The following TMEM117 variants were observed in gnomAD, a reference collection of about 807,000 sequenced individuals.
TMEM117 encodes transmembrane protein 117.
TMEM117 carries 27 observed loss-of-function variants against 52.4 expected under a neutral mutation model. That is an observed-to-expected ratio of 0.51 (90% CI 0.38 to 0.71). TMEM117 has a LOEUF of 0.71. Ranked by LOEUF, TMEM117 falls within the 30% of genes least tolerant of loss-of-function variation. The probability of loss-of-function intolerance (pLI) is 0.00; values close to 1 mark genes in which losing one functional copy is unlikely to be tolerated. For missense variants in TMEM117, 556 were observed against 630.5 expected (o/e 0.88, Z 1.26); for synonymous variants, 215 against 206.3 (o/e 1.04, Z -0.36).
At chr12:44,271,578 T>C (rs1950446289) in intron 5 of TMEM117, among the ~76,000 whole-genome samples, 1 of 152,052 alleles carries the variant, frequency 6.6e-6, no homozygotes, top group Admixed American at 6.6e-5. Context: ...GATCCTCCAC[T>C]CATATCATAT....
At chr12:44,103,308 A>G (rs552677919) in intron 3 of TMEM117, among the ~76,000 whole-genome samples, 1 of 151,648 alleles carries the variant, frequency 6.6e-6, no homozygotes, top group African/African-American at 2.4e-5. Flanking sequence ...TTCCTTCATT[A>G]CATGGTATTG....
chr12:44,006,603 A>G (rs774615307), intron 3 of TMEM117, among the ~76,000 whole-genome samples: 10 of 152,202 alleles, frequency 6.6e-5, no homozygotes, highest in Non-Finnish European at 1.5e-4. Flanking sequence ...AAGAATCAAT[A>G]ATGAAACTAA....
At position 44,058,042 on chromosome 12, in the gene TMEM117, A is replaced by G. The variant is rs1374307309; in HGVS notation, c.411-85483A>G. Among the ~76,000 whole-genome samples the G allele has an allele frequency of 5.3e-5, 8 of 152,332 alleles. No homozygotes were observed. The East Asian group carries it at 1.3e-3, about 26-fold the overall frequency. The stretch of plus-strand genomic sequence containing the variant: ...TATTGCTGAAGCATTTTTAAATTCC[A>G]GCTATGTTAATAAGAAGCCATTTGA... On this transcript the variant is annotated intron_variant, in intron 3 of 7. Coordinates refer to ENST00000266534, the MANE Select transcript of TMEM117 (RefSeq NM_032256.3).
intron 4 of TMEM117, among the ~76,000 whole-genome samples, chr12:44,172,457 C>A (rs1949059741): frequency 6.6e-6 from 1 of 152,176 alleles, no homozygotes; most frequent in Admixed American, 6.5e-5. Flanking sequence ...GTCTCTGTGT[C>A]TTTACATAGC....
intron 3 of TMEM117, among the ~76,000 whole-genome samples, chr12:44,135,339 T>C (rs1366729700): frequency 6.6e-6 from 1 of 152,150 alleles, no homozygotes; most frequent in East Asian, 1.9e-4. Flanking sequence ...CCCTTGAGAA[T>C]TTATGAGTTT....
chr12:43,802,533 T>G, the TMEM117 span: 1 of 1,148,406 alleles, frequency 8.7e-7, no homozygotes, highest in Non-Finnish European at 1.3e-6. Flanking sequence ...TGATGAAGAC[T>G]AGAAAAATAA....
chr12:43,960,502 G>A (rs1017608740), intron 3 of TMEM117, among the ~76,000 whole-genome samples: 1 of 152,182 alleles, frequency 6.6e-6, no homozygotes, highest in Non-Finnish European at 1.5e-5. Flanking sequence ...AGTTTAGTTA[G>A]TGTTGTTTGA....
At chr12:44,360,745 A>G (rs1220414101) in intron 6 of TMEM117, among the ~76,000 whole-genome samples, 5 of 152,186 alleles carry the variant, frequency 3.3e-5, no homozygotes, top group African/African-American at 1.2e-4. Context: ...TAGCTTAGAT[A>G]TGAATGAGGC....
chr12:44,122,683 C>A (rs925882024), intron 3 of TMEM117, among the ~76,000 whole-genome samples: 1 of 152,068 alleles, frequency 6.6e-6, no homozygotes, highest in Non-Finnish European at 1.5e-5. Context: ...TCTCTTCCTG[C>A]ATTAGTTTGC....
At chr12:43,932,276 A>T (rs1247047218) in intron 2 of TMEM117, among the ~76,000 whole-genome samples, 1 of 150,822 alleles carries the variant, frequency 6.6e-6, no homozygotes, top group Non-Finnish European at 1.5e-5. Flanking sequence ...AAAATAACTT[A>T]TATTTTTAAT....
intron 2 of TMEM117, among the ~76,000 whole-genome samples, chr12:43,932,384 T>G (rs1047408449): frequency 6.6e-6 from 1 of 151,952 alleles, no homozygotes; most frequent in Non-Finnish European, 1.5e-5. Context: ...TTGAACACCT[T>G]TCAAATACCC....
At chr12:44,127,311 T>C (rs1948341770) in intron 3 of TMEM117, among the ~76,000 whole-genome samples, 1 of 152,188 alleles carries the variant, frequency 6.6e-6, no homozygotes, top group South Asian at 2.1e-4. Flanking sequence ...TAGTACCCAG[T>C]TGTTTAATCA....
At chr12:44,300,826 CA>C (rs760312751) in intron 6 of TMEM117, among the ~76,000 whole-genome samples, 2 of 152,076 alleles carry the variant, frequency 1.3e-5, no homozygotes, top group African/African-American at 2.4e-5. Flanking sequence ...CCTGAAATAG[CA>C]ATGGAAAAAA....
At chr12:44,335,871 T>C (rs1951334841) in intron 6 of TMEM117, among the ~76,000 whole-genome samples, 2 of 152,010 alleles carry the variant, frequency 1.3e-5, no homozygotes, top group African/African-American at 4.8e-5. Context: ...TCAGTGACAA[T>C]TCTTGCCACT....
At chr12:43,898,144 A>G (rs994162415) in intron 2 of TMEM117, among the ~76,000 whole-genome samples, 10 of 152,056 alleles carry the variant, frequency 6.6e-5, no homozygotes, top group African/African-American at 2.4e-4. Context: ...TTAACAGCTC[A>G]AAACAGAATT....
chr12:43,970,069 A>G (rs1041154581), intron 3 of TMEM117, among the ~76,000 whole-genome samples: 3 of 152,138 alleles, frequency 2.0e-5, no homozygotes, highest in Non-Finnish European at 4.4e-5. Context: ...CTCTTGTGCC[A>G]TCCTGCCTGG....
At chr12:43,850,112 A>G (rs755234542) in intron 2 of TMEM117, among the ~76,000 whole-genome samples, 13 of 152,140 alleles carry the variant, frequency 8.5e-5, no homozygotes, top group Non-Finnish European at 1.8e-4. Flanking sequence ...TTCACAGGAA[A>G]CAACATTTAA....
At chr12:43,802,660 A>G in the TMEM117 span, among the ~76,000 whole-genome samples, 1 of 152,240 alleles carries the variant, frequency 6.6e-6, no homozygotes, top group Admixed American at 6.5e-5. Flanking sequence ...CTTTTTATGA[A>G]CATGGTTAAA....
upstream of TMEM117, among the ~76,000 whole-genome samples, chr12:43,835,144 G>A (rs990631870): frequency 2.6e-5 from 4 of 152,114 alleles, no homozygotes; most frequent in Non-Finnish European, 5.9e-5. Context: ...TTCAGCAACC[G>A]GTAAACTGAG....
Sources: gnomAD v4.1 joint callset for allele counts (sites outside exome capture counted in the v4.1 genomes callset) on GRCh38, gnomAD v4.1.1 for gene constraint, MANE v1.5 for transcripts, NCBI Gene and HGNC (gene_info 2026-07-23, HGNC 2026-07-21) for gene names.